Variants in TSPAN18 observed in about 807,000 individuals in gnomAD.
TSPAN18 encodes tetraspanin-18.
TSPAN18 carries 14 observed loss-of-function variants against 27.3 expected under a neutral mutation model. The observed-to-expected ratio is 0.51, with a 90% CI of 0.34 to 0.80. TSPAN18 has a LOEUF of 0.80. Ranked by LOEUF, TSPAN18 falls within the 30% of genes least tolerant of loss-of-function variation. The pLI is 0.01. For missense variants in TSPAN18, 268 were observed against 323.9 expected (o/e 0.83, Z 1.32); for synonymous variants, 143 against 136.5 (o/e 1.05, Z -0.33).
intron 2 of TSPAN18, among the ~76,000 whole-genome samples, chr11:44,789,725 C>T (rs1380308593): frequency 6.6e-6 from 1 of 152,140 alleles, no homozygotes; most frequent in East Asian, 1.9e-4. Flanking sequence ...AAAAAATACC[C>T]CAGATCAGTA....
chr11:44,867,676 G>A (rs899279232), intron 3 of TSPAN18, among the ~76,000 whole-genome samples: 1 of 152,132 alleles, frequency 6.6e-6, no homozygotes, highest in African/African-American at 2.4e-5. Flanking sequence ...TGGGATTACA[G>A]GTACGAGCCA....
intron 8 of TSPAN18, among the ~76,000 whole-genome samples, chr11:44,924,130 T>TGTGTGTGA (rs1491312887): frequency 9.0e-5 from 13 of 144,936 alleles, no homozygotes; most frequent in African/African-American, 3.2e-4. Context: ...TGTGTGTGTG[T>TGTGTGTGA]GATTATATTG....
At chr11:44,832,179 C>T (rs557238582) in intron 2 of TSPAN18, among the ~76,000 whole-genome samples, 67 of 152,260 alleles carry the variant, frequency 4.4e-4, no homozygotes, top group African/African-American at 1.6e-3. Flanking sequence ...CGACATCGCT[C>T]GACCCCAGTG....
chr11:44,768,885 C>G (rs57498825), intron 2 of TSPAN18, among the ~76,000 whole-genome samples: 1 of 138,222 alleles, frequency 7.2e-6, no homozygotes, highest in Non-Finnish European at 1.5e-5. Context: ...ATGGATTATA[C>G]TATTTGATTT....
chr11:44,761,135 C>G (rs1333022226), intron 1 of TSPAN18, among the ~76,000 whole-genome samples: 1 of 152,176 alleles, frequency 6.6e-6, no homozygotes, highest in South Asian at 2.1e-4. Flanking sequence ...AGGATTTCAA[C>G]CTGTGCCACC....
chr11:44,919,560 C>T (rs1371345481), intron 7 of TSPAN18: 1 of 608,274 alleles, frequency 1.6e-6, no homozygotes, highest in Non-Finnish European at 2.9e-6. Context: ...ATGATAATAA[C>T]CACAGCAACT....
chr11:44,804,774 A>G (rs1156375808), intron 2 of TSPAN18, among the ~76,000 whole-genome samples: 1 of 150,740 alleles, frequency 6.6e-6, no homozygotes, highest in East Asian at 2.0e-4. Flanking sequence ...GCCTAAAACA[A>G]CAACTGGATT....
intron 2 of TSPAN18, among the ~76,000 whole-genome samples, chr11:44,807,573 A>G (rs558760296): frequency 3.5e-4 from 53 of 151,246 alleles, no homozygotes; most frequent in Middle Eastern, 3.5e-3. Flanking sequence ...AGAATAGCAC[A>G]GGTGGGATAC....
chr11:44,879,059 C>T (rs4755912), intron 3 of TSPAN18, among the ~76,000 whole-genome samples: 62,031 of 152,122 alleles, frequency 0.41, 14,040 homozygotes, highest in Non-Finnish European at 0.51. Flanking sequence ...TGGTTCGATG[C>T]TCTGCCCTTG....
intron 2 of TSPAN18, among the ~76,000 whole-genome samples, chr11:44,856,672 C>T (rs73452583): frequency 0.046 from 7,013 of 152,212 alleles, 449 homozygotes; most frequent in African/African-American, 0.14. Context: ...AGGTATATAG[C>T]AAGTGTTCAA....
intron 2 of TSPAN18, among the ~76,000 whole-genome samples, chr11:44,797,936 C>T (rs116857178): frequency 0.014 from 2,142 of 152,238 alleles, 21 homozygotes; most frequent in Middle Eastern, 0.034. Context: ...AGAGTCAAGA[C>T]GCTTGTTGGG....
chr11:44,824,758 C>T (rs1420316965), intron 2 of TSPAN18, among the ~76,000 whole-genome samples: 1 of 152,170 alleles, frequency 6.6e-6, no homozygotes, highest in Non-Finnish European at 1.5e-5. Flanking sequence ...TTAATTGTGG[C>T]TGTTATTGTT....
chr11:44,928,415 C>T (rs1860447312), intron 9 of TSPAN18, among the ~76,000 whole-genome samples: 1 of 152,224 alleles, frequency 6.6e-6, no homozygotes, highest in Non-Finnish European at 1.5e-5. Context: ...GTCACAATGC[C>T]TGGGACTGAA....
chr11:44,875,121 G>A lies in TSPAN18; in HGVS notation c.-11+14652G>A, dbSNP rs115426360. Among the ~76,000 whole-genome samples, 1,047 of 152,290 alleles carry A rather than the reference G, an allele frequency of 6.9e-3. 10 individuals are homozygous for A. Among genetic ancestry groups the A allele is most frequent in the African/African-American group, 0.024 (995 of 41,562 alleles). Reference sequence around the variant, plus strand: ...CCCTTGCAGAGGTACATTCTCCCCCGTGGGGCCCTCCCAGCCCATGTGGGC... The same window carrying A: ...CCCTTGCAGAGGTACATTCTCCCCCATGGGGCCCTCCCAGCCCATGTGGGC... On this transcript the variant is annotated intron_variant, in intron 3 of 9. Coordinates refer to ENST00000520358, the MANE Select transcript of TSPAN18 (RefSeq NM_130783.5).
intron 9 of TSPAN18, among the ~76,000 whole-genome samples, chr11:44,927,572 T>C (rs1051778015): frequency 1.3e-5 from 2 of 152,228 alleles, no homozygotes; most frequent in Non-Finnish European, 2.9e-5. Context: ...TCGTGGAGGC[T>C]ACTGCAGATG....
intron 2 of TSPAN18, among the ~76,000 whole-genome samples, chr11:44,835,318 A>T (rs1313081939): frequency 1.3e-5 from 2 of 152,202 alleles, no homozygotes; most frequent in Non-Finnish European, 2.9e-5. Flanking sequence ...AAAGGTTAGG[A>T]CATGAACCTG....
intron 2 of TSPAN18, among the ~76,000 whole-genome samples, chr11:44,771,416 T>C (rs1311895294): frequency 2.0e-5 from 3 of 152,228 alleles, no homozygotes; most frequent in Admixed American, 6.5e-5. Context: ...GCTATTTACC[T>C]GTGGGCCCCA....
At chr11:44,776,404 G>A (rs956712073) in intron 2 of TSPAN18, among the ~76,000 whole-genome samples, 3 of 152,070 alleles carry the variant, frequency 2.0e-5, no homozygotes, top group Non-Finnish European at 1.5e-5. Flanking sequence ...AGCTTCACGA[G>A]CCTTGGTTTC....
At chr11:44,775,537 G>C (rs751707) in intron 2 of TSPAN18, among the ~76,000 whole-genome samples, 10,737 of 152,110 alleles carry the variant, frequency 0.071, 553 homozygotes, top group African/African-American at 0.15. Context: ...ACGTTTCATT[G>C]CCAGCCTCCT....
Sources: allele counts gnomAD v4.1 joint callset (sites outside exome capture counted in the v4.1 genomes callset), GRCh38; gene constraint gnomAD v4.1.1; transcripts MANE v1.5; gene names NCBI Gene and HGNC (gene_info 2026-07-23, HGNC 2026-07-21).